The following RIMS1 variants were observed in gnomAD, a reference collection of about 807,000 sequenced individuals.
RIMS1 encodes regulating synaptic membrane exocytosis protein 1.
A neutral mutation model predicts 214.1 loss-of-function variants in RIMS1; 83 were observed. The ratio of observed to expected loss-of-function variants is 0.39; its 90% CI spans 0.32 to 0.47. The LOEUF is 0.47. Among genes scored for constraint, RIMS1 ranks in the 20% least tolerant of loss-of-function variants. The pLI is 0.99. For synonymous variants in RIMS1, 793 were observed against 786.8 expected (o/e 1.01, Z -0.13); for missense variants, 2,050 against 2,161.8 (o/e 0.95, Z 1.03).
chr6:72,019,352 T>C (rs143884490), intron 2 of RIMS1, among the ~76,000 whole-genome samples: 1 of 152,312 alleles, frequency 6.6e-6, no homozygotes, highest in Non-Finnish European at 1.5e-5. Context: ...ATGAGGTCAC[T>C]AATATTTACT....
chr6:71,887,629 G>A (rs962240216), intron 1 of RIMS1, among the ~76,000 whole-genome samples: 3 of 152,152 alleles, frequency 2.0e-5, no homozygotes, highest in Admixed American at 2.0e-4. Context: ...GAGTTGTTTA[G>A]CTGGTCGGGG....
At chr6:72,117,578 C>T (rs1468604444) in intron 4 of RIMS1, among the ~76,000 whole-genome samples, 1 of 151,874 alleles carries the variant, frequency 6.6e-6, no homozygotes, top group Non-Finnish European at 1.5e-5. Flanking sequence ...CAAGTATCTT[C>T]TCAGACCACA....
chr6:71,971,868 A>C (rs1308524807), intron 2 of RIMS1, among the ~76,000 whole-genome samples: 1 of 152,156 alleles, frequency 6.6e-6, no homozygotes, highest in Non-Finnish European at 1.5e-5. Context: ...ATTCAAGATG[A>C]GATTTGGGTT....
intron 2 of RIMS1, among the ~76,000 whole-genome samples, chr6:72,045,852 G>C (rs1267146408): frequency 6.8e-6 from 1 of 147,786 alleles, no homozygotes; most frequent in Non-Finnish European, 1.5e-5. Context: ...CTCAATTTGG[G>C]TCTTTGTATT....
At position 72,090,664 on chromosome 6, in the gene RIMS1, CCTT is replaced by C. The variant is rs1436638398; in HGVS notation, c.246-6281_246-6279del. ...ACTGTAAAACTATATGACTTACTGT[CCTT>C]CTTTGACACTGGTACATGCTGTCAT... On this transcript the variant is annotated intron_variant, in intron 2 of 33. Transcript: ENST00000521978. Among the ~76,000 whole-genome samples, 9 of 152,284 alleles carry C rather than the reference CCTT, an allele frequency of 5.9e-5. No homozygotes were observed. In the South Asian group the frequency reaches 1.5e-3, roughly 25 times the overall value.
At chr6:71,969,165 C>A in intron 2 of RIMS1, 102 bp downstream of exon 2, 1 of 1,102,012 alleles carries the variant, frequency 9.1e-7, no homozygotes, top group Non-Finnish European at 1.4e-6. Flanking sequence ...ACTCTGGCTG[C>A]TCTTGTATAT....
At chr6:71,900,632 G>A (rs1773317586) in intron 1 of RIMS1, among the ~76,000 whole-genome samples, 1 of 152,046 alleles carries the variant, frequency 6.6e-6, no homozygotes, top group African/African-American at 2.4e-5. Context: ...AACTGTTATT[G>A]TTGTTTTAAT....
intron 2 of RIMS1, among the ~76,000 whole-genome samples, chr6:71,995,786 C>T (rs945070081): frequency 6.6e-6 from 1 of 152,010 alleles, no homozygotes; most frequent in South Asian, 2.1e-4. Context: ...TGGTATCTAT[C>T]TATTCACATA....
chr6:72,237,746 G>A lies in RIMS1; in HGVS notation c.1858-77G>A, dbSNP rs368744198. On this transcript the variant is annotated intron_variant, in intron 8 of 33. Transcript: ENST00000521978. The stretch of plus-strand genomic sequence containing the variant: ...AATTTCAAGTGTATCATAAAAGAAT[G>A]TAGGATTAATTCCTCAAACTAATAA... The A allele has an allele frequency of 1.7e-5, 17 of 1,023,098 alleles. No individual in the cohort carries two copies. The South Asian group carries it at 2.2e-4, about 13-fold the overall frequency. 63.4% of individuals were successfully genotyped at this position (1,023,098 alleles called of 1,614,324 possible). A position where few individuals can be genotyped will look rare whatever the true frequency, so the allele number is the denominator to read the frequency against.
chr6:72,144,603 C>G (rs1474288473), intron 4 of RIMS1, among the ~76,000 whole-genome samples: 2 of 151,912 alleles, frequency 1.3e-5, no homozygotes, highest in East Asian at 3.9e-4. Context: ...TTGGTTAGCT[C>G]CCATGGTCTT....
At chr6:72,255,676 A>G (rs540334663) in intron 16 of RIMS1, among the ~76,000 whole-genome samples, 48 of 152,314 alleles carry the variant, frequency 3.2e-4, no homozygotes, top group African/African-American at 1.1e-3. Context: ...AACTTCAACC[A>G]GAAAATGAGA....
intron 28 of RIMS1, among the ~76,000 whole-genome samples, chr6:72,319,233 G>A (rs186889427): frequency 1.2e-3 from 188 of 152,096 alleles, no homozygotes; most frequent in African/African-American, 3.8e-3. Context: ...TAACAATCAG[G>A]AACATAGAAG....
At chr6:71,950,182 A>G (rs1442172646) in intron 1 of RIMS1, among the ~76,000 whole-genome samples, 6 of 152,184 alleles carry the variant, frequency 3.9e-5, no homozygotes, top group African/African-American at 9.6e-5. Context: ...AACAGACATC[A>G]TTGATTATCA....
chr6:71,969,598 A>T (rs757011214), intron 2 of RIMS1, among the ~76,000 whole-genome samples: 7 of 152,060 alleles, frequency 4.6e-5, no homozygotes, highest in Non-Finnish European at 1.0e-4. Flanking sequence ...CACCTGAGGT[A>T]TGGAGTTTGG....
chr6:72,121,745 A>G (rs1032721619), intron 4 of RIMS1, among the ~76,000 whole-genome samples: 26 of 152,050 alleles, frequency 1.7e-4, no homozygotes, highest in African/African-American at 6.0e-4. Flanking sequence ...TTCAAAGGGA[A>G]TGCTTCCAGT....
intron 16 of RIMS1, among the ~76,000 whole-genome samples, chr6:72,257,129 A>T (rs1273743999): frequency 6.6e-6 from 1 of 151,826 alleles, no homozygotes; most frequent in African/African-American, 2.4e-5. Flanking sequence ...AATGAACAAC[A>T]GTTTTAGCTT....
At chr6:72,098,027 A>G (rs1188671253) in intron 3 of RIMS1, among the ~76,000 whole-genome samples, 1 of 152,200 alleles carries the variant, frequency 6.6e-6, no homozygotes, top group Non-Finnish European at 1.5e-5. Flanking sequence ...AGTTACAAGC[A>G]TGTAGCTAAA....
intron 4 of RIMS1, among the ~76,000 whole-genome samples, chr6:72,169,361 C>G (rs1183326328): frequency 6.6e-6 from 1 of 152,062 alleles, no homozygotes; most frequent in African/African-American, 2.4e-5. Flanking sequence ...ATTTGGAAAA[C>G]TTTACATCTT....
chr6:72,340,158 T>G (rs1177765332), intron 29 of RIMS1, among the ~76,000 whole-genome samples: 5 of 152,040 alleles, frequency 3.3e-5, no homozygotes, highest in South Asian at 2.1e-4. Flanking sequence ...TAAATTTGTT[T>G]GAGTTCATTG....
Sources: gnomAD v4.1 joint callset for allele counts (sites outside exome capture counted in the v4.1 genomes callset) on GRCh38, gnomAD v4.1.1 for gene constraint, MANE v1.5 for transcripts, NCBI Gene and HGNC (gene_info 2026-07-23, HGNC 2026-07-21) for gene names.